PTPRN2: variants seen among roughly 807,000 people sequenced by gnomAD.
The protein encoded by PTPRN2 is receptor-type tyrosine-protein phosphatase N2.
In PTPRN2, 74 loss-of-function variants were observed where a neutral mutation model predicts 118.8. The ratio of observed to expected loss-of-function variants is 0.62; its 90% CI spans 0.52 to 0.76. The LOEUF (loss-of-function observed/expected upper bound fraction) is 0.76. Among genes scored for constraint, PTPRN2 ranks in the 30% least tolerant of loss-of-function variants. The pLI is 0.00. For synonymous variants in PTPRN2, 641 were observed against 608.0 expected (o/e 1.05, Z -0.80); for missense variants, 1,481 against 1,394.4 (o/e 1.06, Z -0.99).
chr7:158,142,558 G>A (rs771047102), intron 6 of PTPRN2, among the ~76,000 whole-genome samples: 31 of 152,274 alleles, frequency 2.0e-4, no homozygotes, highest in African/African-American at 6.5e-4. Context: ...CATGGAGGCC[G>A]CGTACTCTTC....
At chr7:158,303,704 G>A (rs1394145810) in intron 3 of PTPRN2, among the ~76,000 whole-genome samples, 3 of 152,222 alleles carry the variant, frequency 2.0e-5, no homozygotes, top group Non-Finnish European at 2.9e-5. Context: ...GAAATCACCT[G>A]GAGAATTTTT....
chr7:158,408,221 A>G lies in PTPRN2; in HGVS notation c.163+81514T>C, dbSNP rs537368227. ...AATGTGCCTTTGCATTTTCTTTGGT[A>G]TTGAAAGCAGACAACACCAGAGGCA... On this transcript the variant is annotated intron_variant, in intron 2 of 22. Coordinates refer to ENST00000389418, the MANE Select transcript of PTPRN2 (RefSeq NM_002847.5). Among the ~76,000 whole-genome samples, 7 of 152,378 alleles carry G rather than the reference A, an allele frequency of 4.6e-5. No individual in the cohort carries two copies. The South Asian group carries it at 1.4e-3, about 32-fold the overall frequency.
chr7:157,663,644 C>T (rs1433600481), intron 13 of PTPRN2, among the ~76,000 whole-genome samples: 1 of 152,172 alleles, frequency 6.6e-6, no homozygotes, highest in African/African-American at 2.4e-5. Flanking sequence ...ACCGGCCCCT[C>T]CCTCTCCACC....
intron 9 of PTPRN2, among the ~76,000 whole-genome samples, chr7:158,116,560 G>C (rs1007072952): frequency 6.6e-6 from 1 of 152,248 alleles, no homozygotes; most frequent in African/African-American, 2.4e-5. Context: ...AGGCAATACA[G>C]ATGTTGTCCT....
At chr7:158,063,498 C>T (rs183594437) in intron 11 of PTPRN2, among the ~76,000 whole-genome samples, 6 of 152,120 alleles carry the variant, frequency 3.9e-5, no homozygotes, top group East Asian at 1.9e-4. Flanking sequence ...GCAGGCTGCC[C>T]GAGCCAGCAG....
chr7:157,751,396 A>G (rs1801457098), intron 12 of PTPRN2, among the ~76,000 whole-genome samples: 1 of 152,188 alleles, frequency 6.6e-6, no homozygotes, highest in Non-Finnish European at 1.5e-5. Context: ...TGAAGGCACC[A>G]TGCATTTAAA....
At chr7:158,360,036 C>T (rs1447298434) in intron 2 of PTPRN2, among the ~76,000 whole-genome samples, 2 of 149,672 alleles carry the variant, frequency 1.3e-5, no homozygotes, top group African/African-American at 5.1e-5. Context: ...ACCCACAGAT[C>T]CCAAGTCCAC....
intron 2 of PTPRN2, among the ~76,000 whole-genome samples, chr7:158,357,761 C>T (rs1159998246): frequency 3.3e-5 from 5 of 152,368 alleles, no homozygotes; most frequent in African/African-American, 1.2e-4. Flanking sequence ...AGGGCCTGGT[C>T]CCAGGGCAGG....
chr7:157,907,493 G>A (rs969941073), intron 11 of PTPRN2, among the ~76,000 whole-genome samples: 2 of 148,686 alleles, frequency 1.3e-5, no homozygotes, highest in African/African-American at 5.0e-5. Flanking sequence ...CTGCGTGTGG[G>A]GTGTCCTGGG....
intron 2 of PTPRN2, among the ~76,000 whole-genome samples, chr7:158,442,706 T>C (rs938130562): frequency 2.0e-5 from 3 of 152,220 alleles, no homozygotes; most frequent in African/African-American, 7.2e-5. Flanking sequence ...TGTACCCTTC[T>C]GCACCACCCA....
At chr7:158,327,868 C>T (rs983043352) in intron 2 of PTPRN2, among the ~76,000 whole-genome samples, 36 of 152,142 alleles carry the variant, frequency 2.4e-4, no homozygotes, top group African/African-American at 7.2e-4. Flanking sequence ...AGGGTTCCCT[C>T]GGTCCCATGG....
intron 12 of PTPRN2, among the ~76,000 whole-genome samples, chr7:157,848,253 A>G (rs1809016924): frequency 7.0e-6 from 1 of 142,422 alleles, no homozygotes; most frequent in Non-Finnish European, 1.5e-5. Context: ...CTCTTTCATT[A>G]CATCATGTGT....
In PTPRN2 at chr7:157,604,001, C is replaced by T. The variant is rs994917366; in HGVS notation, c.2418+1G>A. Reference sequence around the variant, plus strand: ...GGCCCCTGTCCCGGCAGTGCACTTACGATGGGGCTAGCGTTGATGTAGTCT... The same window carrying T: ...GGCCCCTGTCCCGGCAGTGCACTTATGATGGGGCTAGCGTTGATGTAGTCT... On this transcript the variant is annotated splice_donor_variant, in intron 16 of 22. Coordinates refer to ENST00000389418, the MANE Select transcript of PTPRN2 (RefSeq NM_002847.5). LOFTEE classifies it high-confidence loss of function. 4.3e-6 allele frequency: 7 copies of T among 1,613,622 alleles called. No homozygotes were observed. Among genetic ancestry groups the T allele is most frequent in the East Asian group, 2.2e-5 (1 of 44,904 alleles).
chr7:157,684,833 G>T (rs1288568171), intron 12 of PTPRN2, among the ~76,000 whole-genome samples: 1 of 151,978 alleles, frequency 6.6e-6, no homozygotes, highest in Non-Finnish European at 1.5e-5. Context: ...CCGGGTGGGC[G>T]GCAGCCCCGC....
At chr7:157,790,102 G>A (rs1281216435) in intron 12 of PTPRN2, among the ~76,000 whole-genome samples, 2 of 137,910 alleles carry the variant, frequency 1.5e-5, no homozygotes, top group South Asian at 5.0e-4. Context: ...GTGGTGACAT[G>A]TGTGTATGGT....
At chr7:158,383,261 A>G (rs1265341473) in intron 2 of PTPRN2, among the ~76,000 whole-genome samples, 1 of 152,222 alleles carries the variant, frequency 6.6e-6, no homozygotes, top group Non-Finnish European at 1.5e-5. Context: ...AAAAAAAGTG[A>G]TCAGAGGCAA....
intron 2 of PTPRN2, among the ~76,000 whole-genome samples, chr7:158,343,271 G>T (rs1044252228): frequency 7.2e-5 from 11 of 152,130 alleles, no homozygotes; most frequent in African/African-American, 2.7e-4. Flanking sequence ...CAGAGAAGAT[G>T]TACAAACAGC....
intron 2 of PTPRN2, among the ~76,000 whole-genome samples, chr7:158,365,861 C>CACACACACACAG (rs1361789098): frequency 1.4e-5 from 2 of 146,466 alleles, no homozygotes; most frequent in South Asian, 4.4e-4. Context: ...CACACACACA[C>CACACACACACAG]AGCATCCCTG....
intron 10 of PTPRN2, among the ~76,000 whole-genome samples, chr7:158,108,473 G>A (rs1055642261): frequency 2.4e-4 from 37 of 152,044 alleles, no homozygotes; most frequent in African/African-American, 8.0e-4. Context: ...CCTGCCCACC[G>A]GACCACCCCA....
Sources: gnomAD v4.1 joint callset for allele counts (sites outside exome capture counted in the v4.1 genomes callset) on GRCh38, gnomAD v4.1.1 for gene constraint, MANE v1.5 for transcripts, NCBI Gene and HGNC (gene_info 2026-07-23, HGNC 2026-07-21) for gene names.